RIN2: variants seen among roughly 807,000 people sequenced by gnomAD.
RIN2 encodes the protein Ras and Rab interactor 2.
A neutral mutation model predicts 78.0 loss-of-function variants in RIN2; 36 were observed. The observed-to-expected ratio is 0.46, with a 90% CI of 0.35 to 0.61. RIN2 has a LOEUF of 0.61. RIN2 is among the 20% of genes least tolerant of loss of function. The pLI is 0.00. For synonymous variants in RIN2, 466 were observed against 466.8 expected, an observed-to-expected ratio of 1.00 and a Z score of 0.02; for missense variants, 1,087 against 1,159.7, an observed-to-expected ratio of 0.94 and a Z score of 0.91.
chr20:19,956,801 T>C lies in RIN2; in HGVS notation c.345T>C (p.Pro115=), dbSNP rs750114831. 1 of 1,576,958 alleles carries C rather than the reference T, an allele frequency of 6.3e-7. No homozygotes were observed. The highest frequency in any genetic ancestry group is 1.2e-5 in the South Asian group (1 of 86,740). The stretch of plus-strand genomic sequence containing the variant: ...CAGCAGAGGTCCTGCAGGCCCAGCC[T>C]CCGGGGGTAAGACTCAGAACCTCGG... ...EEAAEVLQAQ[P]PGIFLVHKST... is the part of the protein sequence containing the mutation. The change falls in exon 5 of 13, where the codon CCT becomes CCC. Residue 115 remains proline (P), a synonymous_variant. Transcript: ENST00000255006.
chr20:19,779,866 A>G (rs1330566768), intron 1 of RIN2, among the ~76,000 whole-genome samples: 2 of 152,212 alleles, frequency 1.3e-5, no homozygotes, highest in Non-Finnish European at 1.5e-5. Context: ...GAAAGAATAC[A>G]TGAAACCTGT....
intron 2 of RIN2, among the ~76,000 whole-genome samples, chr20:19,805,301 G>A (rs2035371770): frequency 6.6e-6 from 1 of 152,148 alleles, no homozygotes; most frequent in African/African-American, 2.4e-5. Flanking sequence ...TGGGCACCAG[G>A]GCTCAATCCC....
chr20:19,983,230 A>G (rs896693147), intron 9 of RIN2, among the ~76,000 whole-genome samples: 10 of 152,224 alleles, frequency 6.6e-5, no homozygotes, highest in Non-Finnish European at 1.3e-4. Flanking sequence ...TTAGCACATA[A>G]AAAAAGAAAG....
At chr20:19,959,129 C>T (rs895807288) in intron 5 of RIN2, among the ~76,000 whole-genome samples, 1 of 152,192 alleles carries the variant, frequency 6.6e-6, no homozygotes, top group Non-Finnish European at 1.5e-5. Flanking sequence ...GCAAAAGCAG[C>T]CATAGACAAT....
At chr20:19,845,818 A>G (rs2036763568) in intron 2 of RIN2, among the ~76,000 whole-genome samples, 1 of 152,102 alleles carries the variant, frequency 6.6e-6, no homozygotes. Context: ...TATGTCCTGA[A>G]TTGTATTGCC....
At chr20:19,936,830 T>C (rs752868860) in intron 4 of RIN2, among the ~76,000 whole-genome samples, 11 of 152,258 alleles carry the variant, frequency 7.2e-5, no homozygotes, top group Non-Finnish European at 1.6e-4. Flanking sequence ...GTTGCTTAAT[T>C]CATGAATTTA....
chr20:19,978,950 A>G (rs768141620), intron 9 of RIN2, among the ~76,000 whole-genome samples: 9 of 152,240 alleles, frequency 5.9e-5, no homozygotes, highest in Non-Finnish European at 8.8e-5. Context: ...TATAGGATGT[A>G]GATGGGGTGA....
intron 3 of RIN2, among the ~76,000 whole-genome samples, chr20:19,931,319 T>C (rs201207519): frequency 7.6e-6 from 1 of 131,830 alleles, no homozygotes; most frequent in African/African-American, 3.3e-5. Context: ...TTAAAAAAAC[T>C]TTTTATAGAG....
intron 1 of RIN2, among the ~76,000 whole-genome samples, chr20:19,775,357 T>C (rs1363002622): frequency 3.3e-5 from 5 of 152,230 alleles, no homozygotes; most frequent in African/African-American, 1.2e-4. Flanking sequence ...TTTCACTAAA[T>C]TGCGTATCTT....
intron 9 of RIN2, among the ~76,000 whole-genome samples, chr20:19,981,066 T>C (rs959799563): frequency 1.5e-5 from 2 of 131,202 alleles, no homozygotes; most frequent in African/African-American, 2.5e-5. Context: ...AGCACTTTAA[T>C]GTATAAGAAT....
intron 3 of RIN2, among the ~76,000 whole-genome samples, chr20:19,917,897 C>T (rs1222334744): frequency 1.3e-5 from 2 of 152,142 alleles, no homozygotes. Context: ...AATGATATTG[C>T]CCAAAGCATT....
chr20:19,892,728 G>A (rs866204574), intron 3 of RIN2, among the ~76,000 whole-genome samples: 15 of 152,152 alleles, frequency 9.9e-5, no homozygotes, highest in African/African-American at 2.2e-4. Context: ...CAATTATTCC[G>A]TAATTAGTCA....
chr20:19,928,185 G>A (rs2040302266), intron 3 of RIN2, among the ~76,000 whole-genome samples: 1 of 152,248 alleles, frequency 6.6e-6, no homozygotes, highest in African/African-American at 2.4e-5. Flanking sequence ...TTACAGGCGT[G>A]AGCCACTGTG....
Position 19,964,878 on chromosome 20 carries a change from A to G in RIN2, c.464-74A>G, listed in dbSNP as rs439717. The G allele has an allele frequency of 5.0e-3, 6,189 of 1,229,150 alleles. 146 individuals carry two copies. The highest frequency in any genetic ancestry group is 0.042 in the South Asian group (3,465 of 83,234). The allele number at this position is 1,229,150 out of a possible 1,614,324, so 76.1% of individuals were successfully genotyped here. Reference sequence around the variant, plus strand: ...AGAGTACTCAGATGGTCCCACACACATGGTGTTAGGGGCTCTTCCTGTCCC... The same window carrying G: ...AGAGTACTCAGATGGTCCCACACACGTGGTGTTAGGGGCTCTTCCTGTCCC... On this transcript the variant is annotated intron_variant, in intron 6 of 12. Transcript: ENST00000255006.
chr20:19,908,397 A>C (rs530799553), intron 3 of RIN2, among the ~76,000 whole-genome samples: 80 of 151,818 alleles, frequency 5.3e-4, no homozygotes, highest in African/African-American at 1.9e-3. Flanking sequence ...AGGCTGAGGC[A>C]GGAGAATGGC....
chr20:19,990,300 A>G lies in RIN2; in HGVS notation c.2057A>G (p.Glu686Gly). ...TGCAAGCTCATTTACACGGTCATGG[A>G]GAACAACTCAGGTGAGGCCGCTGGA... ...RVCKLIYTVM[E>G]NNSGRMYGAD... The change falls in exon 10 of 13, where the codon GAG becomes GGG. Residue 686 changes from glutamate (E) to glycine (G), a missense_variant. Physicochemically the swap from Glu to Gly is moderately conservative, Grantham distance 98. This residue lies in a region of RIN2 where 45 missense variants were observed against 88.1 expected (regional missense o/e 0.51). Transcript: ENST00000255006. 4 of 1,611,606 alleles carry G rather than the reference A, an allele frequency of 2.5e-6. No homozygotes were observed. Among genetic ancestry groups the G allele is most frequent in the Non-Finnish European group, 3.4e-6 (4 of 1,178,152 alleles).
intron 4 of RIN2, among the ~76,000 whole-genome samples, chr20:19,951,485 T>G (rs2041314762): frequency 6.6e-6 from 1 of 152,156 alleles, no homozygotes; most frequent in Admixed American, 6.5e-5. Flanking sequence ...GCAGCTCATT[T>G]TTGGAGGAGT....
chr20:19,967,297 C>T (rs1307745814), intron 7 of RIN2, among the ~76,000 whole-genome samples: 1 of 152,148 alleles, frequency 6.6e-6, no homozygotes, highest in Non-Finnish European at 1.5e-5. Flanking sequence ...GGTAGGAAGG[C>T]CAAGATTAAT....
chr20:19,967,845 G>T (rs554957469), intron 7 of RIN2, among the ~76,000 whole-genome samples: 2 of 152,200 alleles, frequency 1.3e-5, no homozygotes, highest in African/African-American at 4.8e-5. Flanking sequence ...ATAATTTTAG[G>T]GGTCTTCTAT....
Sources: allele counts gnomAD v4.1 joint callset (sites outside exome capture counted in the v4.1 genomes callset), GRCh38; gene constraint gnomAD v4.1.1; regional missense constraint gnomAD v4.1.1; transcripts MANE v1.5; gene names NCBI Gene and HGNC (gene_info 2026-07-23, HGNC 2026-07-21).